EIF2AK4: variants seen among roughly 807,000 people sequenced by gnomAD.
The protein encoded by EIF2AK4 is eukaryotic translation initiation factor 2 alpha kinase 4.
EIF2AK4 carries 139 observed loss-of-function variants against 211.1 expected under a neutral mutation model. That is an observed-to-expected ratio of 0.66 (90% confidence interval 0.57 to 0.76). The LOEUF is 0.76. EIF2AK4 is among the 30% of genes least tolerant of loss of function. The pLI, the probability that EIF2AK4 is intolerant of heterozygous loss-of-function variation, is 0.00. For missense variants in EIF2AK4, 1,664 were observed against 2,043.8 expected, an observed-to-expected ratio of 0.81 and a Z score of 3.58; for synonymous variants, 710 against 751.3, an observed-to-expected ratio of 0.94 and a Z score of 0.90.
intron 35 of EIF2AK4, 112 bp from the exon 36 acceptor site, chr15:40,032,057 C>A: frequency 1.1e-6 from 1 of 934,916 alleles, no homozygotes; most frequent in Non-Finnish European, 1.7e-6. Context: ...ATTTGGAATC[C>A]TTTCTAGGCT....
intron 6 of EIF2AK4, among the ~76,000 whole-genome samples, chr15:39,959,766 C>T (rs1007650097): frequency 6.6e-6 from 1 of 152,222 alleles, no homozygotes; most frequent in Admixed American, 6.5e-5. Flanking sequence ...TTGCTTTTAT[C>T]CTTTTCTCCA....
At position 39,948,861 on chromosome 15, in the gene EIF2AK4, A is replaced by G. The variant is rs551999963; in HGVS notation, c.361-255A>G. 1.6e-4 allele frequency among the ~76,000 whole-genome samples: 25 copies of G among 152,352 alleles called. 1 individual carries two copies. The South Asian group carries it at 5.2e-3, about 32-fold the overall frequency. ...ATGCCAATAAGTTGAATAGGTCTAT[A>G]AAAGAAAAGTGAAGCTTTTTATTTA... is the stretch of plus-strand genomic sequence containing the variant. On this transcript the variant is annotated intron_variant, in intron 3 of 38. Coordinates refer to ENST00000263791, the MANE Select transcript of EIF2AK4 (RefSeq NM_001013703.4).
intron 19 of EIF2AK4, among the ~76,000 whole-genome samples, chr15:39,997,659 A>G (rs1263093783): frequency 6.6e-6 from 1 of 152,242 alleles, no homozygotes; most frequent in Non-Finnish European, 1.5e-5. Context: ...ACCAGAAGTT[A>G]AAACGGGTCC....
Position 39,967,369 on chromosome 15 carries a change from A to G in EIF2AK4, c.1043A>G (p.Asn348Ser), listed in dbSNP as rs768006890. ...KQIQGTETEF[N>S]SLVKLSHPNV... is the part of the protein sequence containing the mutation. ...ATTCAAGGAACAGAAACAGAATTCA[A>G]CTCACTGGTAAAATTGAGCCATCCA... Residue 348 changes from asparagine to serine, a missense_variant, in exon 9 of 39, where the codon AAC becomes AGC. Asn to Ser is a conservative substitution (Grantham distance 46). This residue lies in a region of EIF2AK4 where 641 missense variants were observed against 729.6 expected (regional missense o/e 0.88). Transcript: ENST00000263791. The G allele has an allele frequency of 6.3e-7, 1 of 1,598,800 alleles. No homozygotes were observed. The highest frequency in any genetic ancestry group is 2.3e-5 in the East Asian group (1 of 44,442).
At chr15:39,967,246 GC>G in intron 8 of EIF2AK4, 97 bp from the exon 9 acceptor site, 1 of 1,354,072 alleles carries the variant, frequency 7.4e-7, no homozygotes, top group Non-Finnish European at 9.8e-7. Flanking sequence ...GTTTTTTTAT[GC>G]CCCCATCTTG....
At chr15:40,034,544 C>T in intron 38 of EIF2AK4, 100 bp downstream of exon 38, 1 of 864,436 alleles carries the variant, frequency 1.2e-6, no homozygotes, top group Non-Finnish European at 1.9e-6. Context: ...GGTTTGACGC[C>T]TGGTAAGCTG....
At chr15:39,982,826 A>T (rs551050576) in intron 13 of EIF2AK4, among the ~76,000 whole-genome samples, 1 of 152,176 alleles carries the variant, frequency 6.6e-6, no homozygotes, top group South Asian at 2.1e-4. Context: ...TGTGTTAGTG[A>T]GAATAATAGT....
Position 39,961,310 on chromosome 15 carries a change from G to A in EIF2AK4, c.744-474G>A, listed in dbSNP as rs543784570. On this transcript the variant is annotated intron_variant, in intron 6 of 38. Coordinates refer to ENST00000263791, the MANE Select transcript of EIF2AK4 (RefSeq NM_001013703.4). ...CAGCTTTCTCCAGATGTGCATGTGCGTGGGAATGAAGCAATATGGGATACC... is the reference window on the plus strand; with the variant it reads ...CAGCTTTCTCCAGATGTGCATGTGCATGGGAATGAAGCAATATGGGATACC... Among the ~76,000 whole-genome samples, 28 of 152,306 alleles carry A rather than the reference G, an allele frequency of 1.8e-4. No individual in the cohort carries two copies. The South Asian group carries it at 1.9e-3, about 10-fold the overall frequency.
chr15:40,005,988 A>G (rs1248195841), intron 23 of EIF2AK4, among the ~76,000 whole-genome samples: 2 of 152,090 alleles, frequency 1.3e-5, no homozygotes, highest in Non-Finnish European at 2.9e-5. Flanking sequence ...AAAAAAATTC[A>G]CAAAGCTCCA....
intron 34 of EIF2AK4, among the ~76,000 whole-genome samples, chr15:40,029,990 C>T (rs929034026): frequency 1.3e-5 from 2 of 152,180 alleles, no homozygotes; most frequent in Non-Finnish European, 2.9e-5. Context: ...TCTGTTAGCA[C>T]TAACTTTGTG....
intron 13 of EIF2AK4, among the ~76,000 whole-genome samples, chr15:39,982,620 A>G (rs1429326391): frequency 1.0e-5 from 1 of 96,592 alleles, no homozygotes; most frequent in Non-Finnish European, 2.2e-5. Flanking sequence ...CATAGTACAC[A>G]TGTGCCATGG....
Position 40,016,645 on chromosome 15 carries a change from G to A in EIF2AK4, c.3903G>A (p.Leu1301=). 1 of 1,614,156 alleles carries A rather than the reference G, an allele frequency of 6.2e-7. No homozygotes were observed. The highest frequency in any genetic ancestry group is 1.1e-5 in the South Asian group (1 of 91,064). Reference sequence around the variant, plus strand: ...AAGACCTAGAGGAGGTTGTTGGACTGTTGAAGAAACTCGGCATCAAGTTAC... The same window carrying A: ...AAGACCTAGAGGAGGTTGTTGGACTATTGAAGAAACTCGGCATCAAGTTAC... ...GLKDLEEVVG[L]LKKLGIKLQV... The change falls in exon 28 of 39, where the codon CTG becomes CTA. Residue 1301 remains leucine, a synonymous_variant. Transcript: ENST00000263791.
rs1319860177 is a variant in EIF2AK4 at position 39,955,892 on chromosome 15, A to G, written c.743+124A>G. ...GTCTTAATAACTTTTTTCAAACCTT[A>G]TATATCTTAATATATTAGCAATATA... On this transcript the variant is annotated intron_variant, in intron 6 of 38. Transcript: ENST00000263791. 4 of 886,870 alleles carry G rather than the reference A, an allele frequency of 4.5e-6. No individual in the cohort carries two copies. The African/African-American group carries it at 5.4e-5, about 12-fold the overall frequency. 54.9% of individuals were successfully genotyped at this position (886,870 alleles called of 1,614,324 possible).
At chr15:40,009,252 C>G (rs1442185618) in intron 25 of EIF2AK4, among the ~76,000 whole-genome samples, 1 of 151,742 alleles carries the variant, frequency 6.6e-6, no homozygotes, top group Non-Finnish European at 1.5e-5. Flanking sequence ...CTGACCCCAG[C>G]TAATTTTTTA....
intron 33 of EIF2AK4, among the ~76,000 whole-genome samples, chr15:40,028,278 T>G (rs917621654): frequency 2.6e-5 from 4 of 152,128 alleles, no homozygotes; most frequent in African/African-American, 9.7e-5. Flanking sequence ...TCTCCCTATG[T>G]TGCCCAGGCT....
chr15:40,020,157 G>T (rs1170313971), intron 30 of EIF2AK4, among the ~76,000 whole-genome samples: 1 of 123,158 alleles, frequency 8.1e-6, no homozygotes, highest in Non-Finnish European at 1.6e-5. Context: ...AACAGAGCCA[G>T]ACCCTGTCAA....
At chr15:40,032,607 A>G in intron 36 of EIF2AK4, 150 bp from the exon 37 acceptor site, 1 of 660,936 alleles carries the variant, frequency 1.5e-6, no homozygotes, top group Non-Finnish European at 2.6e-6. Context: ...CTAAGATCTT[A>G]TCACTGCACA....
At chr15:40,034,824 A>C (rs1016188638) in intron 38 of EIF2AK4, among the ~76,000 whole-genome samples, 1 of 152,200 alleles carries the variant, frequency 6.6e-6, no homozygotes, top group Admixed American at 6.5e-5. Context: ...CTATGAGGTG[A>C]ATGGTTATCT....
At chr15:39,951,185 CTTTG>C (rs550418977) in intron 4 of EIF2AK4, among the ~76,000 whole-genome samples, 22 of 151,940 alleles carry the variant, frequency 1.4e-4, no homozygotes, top group African/African-American at 4.6e-4. Flanking sequence ...CTTTTTGTTT[CTTTG>C]TTTGTTTGTT....
Sources: gnomAD v4.1 joint callset for allele counts (sites outside exome capture counted in the v4.1 genomes callset) on GRCh38, gnomAD v4.1.1 for gene constraint, gnomAD v4.1.1 regional missense constraint, MANE v1.5 for transcripts, NCBI Gene and HGNC (gene_info 2026-07-23, HGNC 2026-07-21) for gene names.